ZEB1: variants seen among roughly 807,000 people sequenced by gnomAD.
ZEB1 encodes zinc finger E-box-binding homeobox 1.
ZEB1 carries 21 observed loss-of-function variants against 84.9 expected under a neutral mutation model. The ratio of observed to expected loss-of-function variants is 0.25; its 90% confidence interval spans 0.18 to 0.36. ZEB1 has a LOEUF of 0.36. ZEB1 is among the 10% of genes least tolerant of loss of function. The pLI is 1.00. For synonymous variants in ZEB1, 420 were observed against 471.1 expected (o/e 0.89, Z 1.41); for missense variants, 1,104 against 1,330.2 (o/e 0.83, Z 2.65).
intron 1 of ZEB1, among the ~76,000 whole-genome samples, chr10:31,346,711 T>C (rs1351945157): frequency 6.6e-6 from 1 of 152,140 alleles, no homozygotes; most frequent in African/African-American, 2.4e-5. Flanking sequence ...CCACCGTTTT[T>C]TCGCTGCCTT....
At chr10:31,454,447 G>T (rs546885441) in intron 1 of ZEB1, among the ~76,000 whole-genome samples, 1 of 152,008 alleles carries the variant, frequency 6.6e-6, no homozygotes, top group Non-Finnish European at 1.5e-5. Context: ...AGAAATAAAG[G>T]GTATTCAAAT....
At chr10:31,499,089 T>C (rs575334927) in intron 3 of ZEB1, among the ~76,000 whole-genome samples, 1 of 152,300 alleles carries the variant, frequency 6.6e-6, no homozygotes, top group Non-Finnish European at 1.5e-5. Context: ...GTCCTGTCAG[T>C]ATTTCTTCAA....
chr10:31,527,096 GGAA>G lies in ZEB1; in HGVS notation c.3215_3217del (p.Glu1072del). On this transcript the variant is annotated inframe_deletion, in exon 9 of 9. Coordinates refer to ENST00000424869, the MANE Select transcript of ZEB1 (RefSeq NM_001174096.2). ...GGGATGAGGAAGAGGAGGAGGAGGA[GGAA>G]GAAGTGGAAGAAGAAGAGGTAGAAG... 12 of 1,591,362 alleles carry G rather than the reference GGAA, an allele frequency of 7.5e-6. No homozygotes were observed. The highest frequency in any genetic ancestry group is 1.0e-5 in the Non-Finnish European group (12 of 1,166,248).
rs1039815163 is a variant in ZEB1, at chr10:31,321,354, T to C, written c.58+2062T>C. ...ATTATTCAAATAAACACTTGCATTT[T>C]AAAGACGTCTGTTGATTATAAACGA... is the stretch of plus-strand genomic sequence containing the variant. On this transcript the variant is annotated intron_variant, in intron 1 of 8. Coordinates refer to ENST00000424869, the MANE Select transcript of ZEB1 (RefSeq NM_001174096.2). The C allele has an allele frequency of 6.7e-6, 10 of 1,494,218 alleles. No individual in the cohort carries two copies. The Admixed American group carries it at 1.2e-4, about 18-fold the overall frequency. The allele number at this position is 1,494,218 out of a possible 1,614,324, so 92.6% of individuals were successfully genotyped here.
chr10:31,403,835 A>G (rs986410952), intron 1 of ZEB1, among the ~76,000 whole-genome samples: 2 of 152,090 alleles, frequency 1.3e-5, no homozygotes, highest in African/African-American at 2.4e-5. Flanking sequence ...CTTTTGCCTT[A>G]AATAAAAACA....
chr10:31,440,671 C>T (rs1024085820), intron 1 of ZEB1, among the ~76,000 whole-genome samples: 3 of 152,072 alleles, frequency 2.0e-5, no homozygotes, highest in African/African-American at 7.2e-5. Context: ...TTGTCTCAGC[C>T]CAAAATCTCC....
intron 4 of ZEB1, among the ~76,000 whole-genome samples, chr10:31,506,148 T>C (rs1263736505): frequency 6.6e-6 from 1 of 152,062 alleles, no homozygotes; most frequent in East Asian, 1.9e-4. Context: ...ATGATTTTGA[T>C]TTTTAAAAAT....
Position 31,520,679 on chromosome 10 carries a change from C to A in ZEB1, c.1347C>A (p.Pro449=). The A allele has an allele frequency of 6.2e-7, 1 of 1,614,082 alleles. No homozygotes were observed. Among genetic ancestry groups the A allele is most frequent in the Non-Finnish European group, 8.5e-7 (1 of 1,179,994 alleles). The change falls in exon 7 of 9, where the codon CCC becomes CCA. Residue 449 remains proline (P), a synonymous_variant. Coordinates refer to ENST00000424869, the MANE Select transcript of ZEB1 (RefSeq NM_001174096.2). This position sits in a 1 kb window ranked among gnomAD's most constrained non-coding sequence, Gnocchi z 5.1. ...SKEQETINAS[P]IQQGGHSVIS... is the part of the protein sequence containing the mutation. ...AACAAGAAACAATCAATGCTTCACCCATACAACAAGGTGGCCATTCTGTTA... is the reference window on the plus strand; with the variant it reads ...AACAAGAAACAATCAATGCTTCACCAATACAACAAGGTGGCCATTCTGTTA...
intron 1 of ZEB1, among the ~76,000 whole-genome samples, chr10:31,388,522 A>C (rs1389162733): frequency 6.6e-6 from 1 of 152,126 alleles, no homozygotes; most frequent in Non-Finnish European, 1.5e-5. Context: ...ATGAGGAAAA[A>C]ATACAAATTG....
chr10:31,363,564 C>G (rs1264514729), intron 1 of ZEB1: 1 of 1,527,884 alleles, frequency 6.5e-7, no homozygotes, highest in East Asian at 2.4e-5. Flanking sequence ...CCTGGTCTTT[C>G]ACCTCTGTTG....
intron 1 of ZEB1, among the ~76,000 whole-genome samples, chr10:31,360,792 C>A (rs1268450954): frequency 6.6e-6 from 1 of 152,044 alleles, no homozygotes; most frequent in Non-Finnish European, 1.5e-5. Context: ...AAGGTAAATA[C>A]CTAGAAATCA....
intron 1 of ZEB1, among the ~76,000 whole-genome samples, chr10:31,379,062 C>T (rs183416603): frequency 2.0e-5 from 3 of 152,062 alleles, no homozygotes; most frequent in East Asian, 3.9e-4. Context: ...ATGTTTGGCA[C>T]AGTGAGGCTG....
intron 2 of ZEB1, among the ~76,000 whole-genome samples, chr10:31,468,785 C>G (rs1383347314): frequency 6.6e-6 from 1 of 152,104 alleles, no homozygotes; most frequent in Admixed American, 6.5e-5. Flanking sequence ...TAATCCCACC[C>G]AAATGAAGAT....
At chr10:31,383,149 A>G (rs1013792108) in intron 1 of ZEB1, among the ~76,000 whole-genome samples, 3 of 152,036 alleles carry the variant, frequency 2.0e-5, no homozygotes, top group Non-Finnish European at 4.4e-5. Context: ...GCAACATAAA[A>G]TATTACATTT....
intron 2 of ZEB1, among the ~76,000 whole-genome samples, chr10:31,469,571 G>A (rs1409716476): frequency 6.6e-6 from 1 of 152,222 alleles, no homozygotes; most frequent in Non-Finnish European, 1.5e-5. Context: ...TACGCCCACG[G>A]AGTCTCGCTG....
At chr10:31,444,418 T>G (rs1025668186) in intron 1 of ZEB1, among the ~76,000 whole-genome samples, 2 of 152,002 alleles carry the variant, frequency 1.3e-5, no homozygotes, top group African/African-American at 4.8e-5. Context: ...TTTAGTTTAA[T>G]GAGATCCCAT....
chr10:31,449,419 G>A (rs1054023438), intron 1 of ZEB1, among the ~76,000 whole-genome samples: 8 of 152,174 alleles, frequency 5.3e-5, no homozygotes, highest in East Asian at 1.9e-4. Flanking sequence ...GTTCCTATTC[G>A]GCCATCTTGG....
intron 4 of ZEB1, among the ~76,000 whole-genome samples, chr10:31,507,430 C>A (rs1281946760): frequency 6.6e-6 from 1 of 152,012 alleles, no homozygotes. Context: ...GGTTTTCTAT[C>A]CCTTTTGTTT....
intron 4 of ZEB1, among the ~76,000 whole-genome samples, chr10:31,508,976 G>T (rs574737081): frequency 6.6e-6 from 1 of 152,292 alleles, no homozygotes; most frequent in African/African-American, 2.4e-5. Context: ...GCAGTCTGTT[G>T]GGGAGTCTGT....
Sources: allele counts gnomAD v4.1 joint callset (sites outside exome capture counted in the v4.1 genomes callset), GRCh38; gene constraint gnomAD v4.1.1; non-coding constraint Gnocchi (gnomAD v3.1); transcripts MANE v1.5; gene names NCBI Gene and HGNC (gene_info 2026-07-23, HGNC 2026-07-21).